The following ZFHX3 variants were observed in gnomAD, a reference collection of about 807,000 sequenced individuals.
The protein encoded by ZFHX3 is zinc finger homeobox protein 3.
A neutral mutation model predicts 279.1 loss-of-function variants in ZFHX3; 42 were observed. The ratio of observed to expected loss-of-function variants is 0.15; its 90% CI spans 0.12 to 0.19. The LOEUF is 0.19. Ranked by LOEUF, ZFHX3 falls within the 10% of genes least tolerant of loss-of-function variation. The pLI, the probability that ZFHX3 is intolerant of heterozygous loss-of-function variation, is 1.00. For synonymous variants in ZFHX3, 2,293 were observed against 1,957.8 expected (o/e 1.17, Z -4.52); for missense variants, 4,981 against 4,754.0 (o/e 1.05, Z -1.40).
At chr16:73,159,853 C>A (rs1395529449) in intron 5 of ZFHX3, among the ~76,000 whole-genome samples, 1 of 152,138 alleles carries the variant, frequency 6.6e-6, no homozygotes, top group Non-Finnish European at 1.5e-5. Context: ...ACCTCCACCT[C>A]CCAGGTTCAA....
At chr16:73,674,936 T>C (rs2142188802) in intron 2 of ZFHX3, among the ~76,000 whole-genome samples, 1 of 152,276 alleles carries the variant, frequency 6.6e-6, no homozygotes, top group Non-Finnish European at 1.5e-5. Flanking sequence ...ATTACTGGCC[T>C]ACAGCACCAT....
At chr16:73,252,741 C>T (rs1216732870) in intron 5 of ZFHX3, among the ~76,000 whole-genome samples, 2 of 151,932 alleles carry the variant, frequency 1.3e-5, no homozygotes, top group East Asian at 3.9e-4. Context: ...GACGTCAGGA[C>T]AGGTTAAAGG....
intron 2 of ZFHX3, among the ~76,000 whole-genome samples, chr16:73,509,932 G>C (rs2019399389): frequency 6.6e-6 from 1 of 152,188 alleles, no homozygotes; most frequent in Non-Finnish European, 1.5e-5. Flanking sequence ...CTGACTTCAG[G>C]TGATCCACCT....
intron 2 of ZFHX3, among the ~76,000 whole-genome samples, chr16:73,598,996 C>G (rs766639172): frequency 1.3e-5 from 2 of 152,004 alleles, no homozygotes; most frequent in Non-Finnish European, 2.9e-5. Context: ...CTCCTGACCT[C>G]GTGATCCACC....
upstream of ZFHX3, among the ~76,000 whole-genome samples, chr16:73,063,116 C>T (rs1965706443): frequency 6.6e-6 from 1 of 152,196 alleles, no homozygotes; most frequent in South Asian, 2.1e-4. Context: ...TCCAAGGTGC[C>T]GCGCGGAGGA....
At position 72,886,368 on chromosome 16, in the gene ZFHX3, C is replaced by T. The variant is rs575916143; in HGVS notation, c.3448+3363G>A. ...ACGGAAGGGAAGTCTATCATCTCCA[C>T]TGAAGTTGCTCACACACTTCTCGGG... On this transcript the variant is annotated intron_variant, in intron 4 of 9. Coordinates refer to ENST00000268489, the MANE Select transcript of ZFHX3 (RefSeq NM_006885.4). Among the ~76,000 whole-genome samples the T allele has an allele frequency of 4.6e-5, 7 of 151,490 alleles. No homozygotes were observed. In the East Asian group the frequency reaches 1.2e-3, roughly 25 times the overall value.
intron 2 of ZFHX3, among the ~76,000 whole-genome samples, chr16:73,590,900 G>C (rs1371486938): frequency 6.6e-6 from 1 of 151,970 alleles, no homozygotes; most frequent in Admixed American, 6.6e-5. Context: ...CCCCTATAAA[G>C]TAATTTTTGG....
chr16:73,057,897 C>G (rs868728150), intron 1 of ZFHX3, among the ~76,000 whole-genome samples: 2 of 148,950 alleles, frequency 1.3e-5, no homozygotes, highest in African/African-American at 4.9e-5. Context: ...TGGCTGCGAC[C>G]GCGGCGACTG....
intron 1 of ZFHX3, among the ~76,000 whole-genome samples, chr16:73,683,466 T>C (rs1054964983): frequency 6.6e-6 from 1 of 152,138 alleles, no homozygotes; most frequent in South Asian, 2.1e-4. Context: ...CTGTCTCAAA[T>C]CCCCTGGATA....
At chr16:73,471,852 TG>T (rs1425767259) in intron 2 of ZFHX3, among the ~76,000 whole-genome samples, 1 of 152,162 alleles carries the variant, frequency 6.6e-6, no homozygotes, top group African/African-American at 2.4e-5. Context: ...AGTCTTAGCC[TG>T]GAAAAAACCC....
chr16:73,695,242 G>GTTTTT lies in ZFHX3; in HGVS notation c.-1607-15007_-1607-15003dup, dbSNP rs5817868. The stretch of plus-strand genomic sequence containing the variant: ...TGTAATTCAAATACAGTTTTTTTTT[G>GTTTTT]TTTTTTTTTTTTGAGATGGGGTCTT... On this transcript the variant is annotated intron_variant, in intron 1 of 17. Coordinates refer to the ZFHX3 transcript ENST00000641206. Among the ~76,000 whole-genome samples the GTTTTT allele has an allele frequency of 5.0e-5, 7 of 139,284 alleles. No homozygotes were observed. In the South Asian group the frequency reaches 9.0e-4, roughly 18 times the overall value. 91.4% of individuals were successfully genotyped at this position (139,284 alleles called of 152,430 possible). A position where few individuals can be genotyped will look rare whatever the true frequency, so the allele number is the denominator to read the frequency against.
chr16:73,823,112 A>T (rs1235554803), intron 1 of ZFHX3, among the ~76,000 whole-genome samples: 1 of 152,168 alleles, frequency 6.6e-6, no homozygotes, highest in Admixed American at 6.5e-5. Context: ...CAAATAGGAA[A>T]CTGTATTTGA....
rs536441765 is a variant in ZFHX3 at position 72,805,886 on chromosome 16, TTTTC to T, written c.3864+5687_3864+5690del. 411 of 152,420 alleles carry T rather than the reference TTTTC, an allele frequency of 2.7e-3. 2 individuals are homozygous for T. The highest frequency in any genetic ancestry group is 9.4e-3 in the African/African-American group (391 of 41,492). The allele number at this position is 152,420 out of a possible 1,614,324, so 9.4% of individuals were successfully genotyped here. The stretch of plus-strand genomic sequence containing the variant: ...CTTCTTCTCTCCTTGTCCCATTTCC[TTTTC>T]TTTCTTTCTTTTTTTTTTTGAGATA... On this transcript the variant is annotated intron_variant, in intron 7 of 9. Transcript: ENST00000268489.
intron 1 of ZFHX3, among the ~76,000 whole-genome samples, chr16:73,028,554 T>G (rs1038178631): frequency 6.6e-6 from 1 of 152,056 alleles, no homozygotes; most frequent in African/African-American, 2.4e-5. Context: ...CACCCAAGGG[T>G]GGGGAGAGCC....
intron 1 of ZFHX3, among the ~76,000 whole-genome samples, chr16:73,009,226 G>GA (rs201878339): frequency 1.3e-4 from 19 of 148,774 alleles, no homozygotes; most frequent in African/African-American, 2.5e-4. Context: ...AAAAAGAAAA[G>GA]AAAAAAAAAT....
chr16:73,769,817 A>T (rs1171940247), intron 1 of ZFHX3, among the ~76,000 whole-genome samples: 1 of 152,220 alleles, frequency 6.6e-6, no homozygotes, highest in African/African-American at 2.4e-5. Context: ...CATAATCCCT[A>T]TCCCTTTGAA....
At chr16:73,267,014 A>C (rs2013996195) in intron 4 of ZFHX3, among the ~76,000 whole-genome samples, 1 of 152,238 alleles carries the variant, frequency 6.6e-6, no homozygotes. Context: ...CTCCAATCCC[A>C]GTATACATTC....
chr16:73,765,023 A>G (rs2053914808), intron 1 of ZFHX3, among the ~76,000 whole-genome samples: 2 of 152,162 alleles, frequency 1.3e-5, no homozygotes, highest in African/African-American at 2.4e-5. Context: ...TCTCTAGGGT[A>G]TTACCCCAAC....
At chr16:73,359,181 GT>G (rs55639015) in intron 3 of ZFHX3, among the ~76,000 whole-genome samples, 40,013 of 145,606 alleles carry the variant, frequency 0.27, 5,818 homozygotes, top group African/African-American at 0.39. Flanking sequence ...TTTAGAAGAG[GT>G]TTTTTTTTTT....
Sources: allele counts gnomAD v4.1 joint callset (sites outside exome capture counted in the v4.1 genomes callset), GRCh38; gene constraint gnomAD v4.1.1; transcripts MANE v1.5; gene names NCBI Gene and HGNC (gene_info 2026-07-23, HGNC 2026-07-21).